Variants in AGO2 observed in about 807,000 individuals in gnomAD.
AGO2 encodes argonaute RISC catalytic component 2.
Under a neutral mutation model 102.3 loss-of-function variants are expected in AGO2, and 5 were observed. That is an observed-to-expected ratio of 0.05 (90% CI 0.03 to 0.10). The LOEUF (loss-of-function observed/expected upper bound fraction) is 0.10, where lower values mean the gene tolerates loss of function less well. Ranked by LOEUF, AGO2 falls within the 10% of genes least tolerant of loss-of-function variation. The pLI, the probability that AGO2 is intolerant of heterozygous loss-of-function variation, is 1.00. For missense variants in AGO2, 541 were observed against 1,183.7 expected, an observed-to-expected ratio of 0.46 and a Z score of 7.97; for synonymous variants, 449 against 473.1, an observed-to-expected ratio of 0.95 and a Z score of 0.66.
At chr8:140,581,785 T>C (rs147331543) in intron 2 of AGO2, among the ~76,000 whole-genome samples, 14 of 152,350 alleles carry the variant, frequency 9.2e-5, no homozygotes, top group African/African-American at 2.4e-4. Flanking sequence ...AAGAACCTCA[T>C]AGAACTCTCA....
intron 10 of AGO2, among the ~76,000 whole-genome samples, chr8:140,554,043 C>T (rs1250650312): frequency 1.3e-5 from 2 of 152,232 alleles, no homozygotes; most frequent in Non-Finnish European, 2.9e-5. Context: ...ATTTTTGCAA[C>T]GTTGGCTTAC....
intron 3 of AGO2, among the ~76,000 whole-genome samples, chr8:140,570,872 T>C (rs1234612977): frequency 6.6e-6 from 1 of 152,130 alleles, no homozygotes; most frequent in African/African-American, 2.4e-5. Flanking sequence ...AAATATCAAA[T>C]ACCATATAGA....
the AGO2 span, among the ~76,000 whole-genome samples, chr8:140,641,861 G>C: frequency 3.9e-5 from 6 of 152,150 alleles, no homozygotes; most frequent in African/African-American, 1.4e-4. Flanking sequence ...TGAGCCATCA[G>C]GCCTGGCCTA....
chr8:140,567,046 C>T lies in AGO2; in HGVS notation c.337-4412G>A, dbSNP rs374632813. Among the ~76,000 whole-genome samples the T allele has an allele frequency of 1.4e-3, 214 of 152,344 alleles. No homozygotes were observed. Among genetic ancestry groups the T allele is most frequent in the African/African-American group, 4.7e-3 (197 of 41,578 alleles). ...CAGCCTACAGTGCTGTGCCCTGGCACGGATCGGATGCCTGTCAATGCCACC... is the reference window on the plus strand; with the variant it reads ...CAGCCTACAGTGCTGTGCCCTGGCATGGATCGGATGCCTGTCAATGCCACC... On this transcript the variant is annotated intron_variant, in intron 3 of 18. Transcript: ENST00000220592. This position sits in a 1 kb window ranked among gnomAD's most constrained non-coding sequence, Gnocchi z 5.0.
chr8:140,541,437 G>T, intron 14 of AGO2, 79 bp from the exon 15 acceptor site: 5 of 1,352,968 alleles, frequency 3.7e-6, no homozygotes, highest in Non-Finnish European at 4.9e-6. Flanking sequence ...CTCTCGGGAA[G>T]ATGGGGACGA....
chr8:140,543,186 C>A (rs1331267998), intron 14 of AGO2, among the ~76,000 whole-genome samples: 3 of 145,146 alleles, frequency 2.1e-5, no homozygotes, highest in Non-Finnish European at 1.6e-5. Context: ...CAAAAAAAAA[C>A]CCACAAAACA....
intron 1 of AGO2, among the ~76,000 whole-genome samples, chr8:140,612,418 G>A (rs1425900833): frequency 6.6e-6 from 1 of 151,954 alleles, no homozygotes; most frequent in Non-Finnish European, 1.5e-5. Context: ...GGATCCATTC[G>A]GGCTGCAGTT....
At chr8:140,633,822 GCTGT>G (rs1360170803) in intron 1 of AGO2, among the ~76,000 whole-genome samples, 9 of 152,212 alleles carry the variant, frequency 5.9e-5, no homozygotes, top group Non-Finnish European at 1.2e-4. Flanking sequence ...GTGAGCCTCG[GCTGT>G]CTGTCTTCAC....
At position 140,555,954 on chromosome 8, in the gene AGO2, T is replaced by C; in HGVS notation, c.1211A>G (p.Glu404Gly). The change falls in exon 10 of 19, where the codon GAG (glutamate) becomes GGG (glycine). Residue 404 changes from glutamate (E) to glycine (G), a missense_variant. Physicochemically the swap from Glu to Gly is moderately conservative, Grantham distance 98. Coordinates refer to ENST00000220592, the MANE Select transcript of AGO2 (RefSeq NM_012154.5). ...VREFGIMVKD[E>G]MTDVTGRVLQ... Reference sequence around the variant, plus strand: ...CACCCGCCCAGTCACGTCTGTCATCTCATCTTTGACCATGATTCCAAATTC... The same window carrying C: ...CACCCGCCCAGTCACGTCTGTCATCCCATCTTTGACCATGATTCCAAATTC... The C allele has an allele frequency of 6.2e-7, 1 of 1,614,194 alleles. No individual in the cohort carries two copies. Among genetic ancestry groups the C allele is most frequent in the Non-Finnish European group, 8.5e-7 (1 of 1,180,040 alleles).
chr8:140,557,212 C>T lies in AGO2; in HGVS notation c.903G>A (p.Gly301=), dbSNP rs2073112053. 1.2e-6 allele frequency: 2 copies of T among 1,613,616 alleles called. No individual in the cohort carries two copies. The highest frequency in any genetic ancestry group is 1.7e-6 in the Non-Finnish European group (2 of 1,179,716). ...GGGCCACCGTGCACTCCACCGTCTG[C>T]CCGCTCTCCTGCTGCAGCGGGAATC... is the stretch of plus-strand genomic sequence containing the variant. ...HQTFPLQQES[G]QTVECTVAQY... Residue 301 remains glycine (G), a synonymous_variant, in exon 8 of 19, where the codon GGG becomes GGA. Transcript: ENST00000220592. The surrounding 1 kb of genome is among the most constrained non-coding windows in gnomAD (Gnocchi z 5.9).
intron 2 of AGO2, among the ~76,000 whole-genome samples, chr8:140,581,764 G>A (rs1193896434): frequency 6.6e-6 from 1 of 152,202 alleles, no homozygotes; most frequent in East Asian, 1.9e-4. Context: ...GTTTTAGTAA[G>A]TGCATATTTA....
rs3735805 is a variant in AGO2, at chr8:140,567,423, C to T, written c.337-4789G>A. ...ACTGCCGCCTCTCAACAGCCCAAAG[C>T]GCTCGGTCCCAATGACATGACATCT... On this transcript the variant is annotated intron_variant, in intron 3 of 18. Transcript: ENST00000220592. The surrounding 1 kb of genome is among the most constrained non-coding windows in gnomAD (Gnocchi z 5.0). 0.12 allele frequency among the ~76,000 whole-genome samples: 18,439 copies of T among 152,276 alleles called. 1,349 individuals are homozygous for T. The highest frequency in any genetic ancestry group is 0.33 in the East Asian group (1,723 of 5,170).
intron 14 of AGO2, among the ~76,000 whole-genome samples, chr8:140,543,747 T>A (rs753221728): frequency 5.9e-5 from 9 of 152,184 alleles, no homozygotes; most frequent in Non-Finnish European, 1.2e-4. Context: ...TCCCATGAGG[T>A]CAACATTTGT....
At chr8:140,560,275 T>G in intron 5 of AGO2, 99 bp downstream of exon 5, 1 of 1,504,356 alleles carries the variant, frequency 6.6e-7, no homozygotes, top group Non-Finnish European at 9.0e-7. Flanking sequence ...ACAGAGGCCA[T>G]GCGTGGAGCT....
At position 140,530,796 on chromosome 8, in the gene AGO2, A is replaced by T. The variant is rs2072581341; in HGVS notation, c.*1248T>A. On this transcript the variant is annotated 3_prime_UTR_variant, in exon 19 of 19. Transcript: ENST00000220592. ...CTCAGTGCATAGATCTATGGAAGTC[A>T]TCTGACAAAAGAGCACACGGAGAGG... 6.6e-6 allele frequency: 1 copy of T among 152,514 alleles called. No homozygotes were observed. Among genetic ancestry groups the T allele is most frequent in the South Asian group, 2.1e-4 (1 of 4,836 alleles). 9.4% of individuals were successfully genotyped at this position (152,514 alleles called of 1,614,324 possible). A position where few individuals can be genotyped will look rare whatever the true frequency, so the allele number is the denominator to read the frequency against.
chr8:140,617,222 T>C (rs2074152439), intron 1 of AGO2, among the ~76,000 whole-genome samples: 1 of 151,806 alleles, frequency 6.6e-6, no homozygotes, highest in Admixed American at 6.5e-5. Flanking sequence ...TCGGGCGCAT[T>C]GACCTGTTCA....
At chr8:140,568,831 C>T (rs1051565407) in intron 3 of AGO2, among the ~76,000 whole-genome samples, 4 of 152,200 alleles carry the variant, frequency 2.6e-5, no homozygotes, top group Non-Finnish European at 5.9e-5. Context: ...GGTTAGGGCT[C>T]GGCACCACCT....
Position 140,539,376 on chromosome 8 carries a change from T to C in AGO2, c.2113A>G (p.Ile705Val). The change falls in exon 16 of 19, where the codon ATC (isoleucine) becomes GTC (valine). Residue 705 changes from isoleucine to valine, a missense_variant. Ile to Val is a conservative substitution (Grantham distance 29, BLOSUM62 3). Around this residue, in one of 6 missense-constraint regions of AGO2, gnomAD observed 309 missense variants for 735.1 expected, o/e 0.42. Transcript: ENST00000220592. The surrounding 1 kb of genome is among the most constrained non-coding windows in gnomAD (Gnocchi z 4.7). Reference sequence around the variant, plus strand: ...GTGTGGTGCCTCTTCTGCACCACGATGAAGGTGATCCCGGGCTGGTAGTCT... The same window carrying C: ...GTGTGGTGCCTCTTCTGCACCACGACGAAGGTGATCCCGGGCTGGTAGTCT... ...EKDYQPGITF[I>V]VVQKRHHTRL... is the part of the protein sequence containing the mutation. 1.2e-6 allele frequency: 2 copies of C among 1,613,976 alleles called. No individual in the cohort carries two copies. The highest frequency in any genetic ancestry group is 1.7e-6 in the Non-Finnish European group (2 of 1,179,952).
At chr8:140,552,755 C>T (rs1437986933) in intron 10 of AGO2, among the ~76,000 whole-genome samples, 1 of 27,736 alleles carries the variant, frequency 3.6e-5, no homozygotes, top group Non-Finnish European at 6.2e-5. Context: ...CACACACACA[C>T]ACACACACAC....
Sources: allele counts gnomAD v4.1 joint callset (sites outside exome capture counted in the v4.1 genomes callset), GRCh38; gene constraint gnomAD v4.1.1; regional missense constraint gnomAD v4.1.1; non-coding constraint Gnocchi (gnomAD v3.1); transcripts MANE v1.5; gene names NCBI Gene and HGNC (gene_info 2026-07-23, HGNC 2026-07-21).